Variants in DLG2 observed in about 807,000 individuals in gnomAD.
The protein encoded by DLG2 is disks large homolog 2.
Under a neutral mutation model 132.5 loss-of-function variants are expected in DLG2, and 45 were observed. That is an observed-to-expected ratio of 0.34 (90% CI 0.27 to 0.44). DLG2 has a LOEUF of 0.44. Ranked by LOEUF, DLG2 falls within the 20% of genes least tolerant of loss-of-function variation. The pLI is 1.00. For missense variants in DLG2, 1,045 were observed against 1,196.9 expected, an observed-to-expected ratio of 0.87 and a Z score of 1.87; for synonymous variants, 424 against 419.6, an observed-to-expected ratio of 1.01 and a Z score of -0.13.
intron 7 of DLG2, among the ~76,000 whole-genome samples, chr11:84,329,060 C>A (rs1300149044): frequency 6.6e-6 from 1 of 152,092 alleles, no homozygotes; most frequent in African/African-American, 2.4e-5. Flanking sequence ...TGTACAGAAA[C>A]AACATGCAGG....
At position 84,975,503 on chromosome 11, in the gene DLG2, A is replaced by G. The variant is rs532442783; in HGVS notation, c.357+136158T>C. On this transcript the variant is annotated intron_variant, in intron 6 of 27. Transcript: ENST00000376104. Reference sequence around the variant, plus strand: ...ACATTTTGTGATCATGAGAAATACAACAAAGTGATAAGCTTAGCAGAATTA... The same window carrying G: ...ACATTTTGTGATCATGAGAAATACAGCAAAGTGATAAGCTTAGCAGAATTA... Among the ~76,000 whole-genome samples the G allele has an allele frequency of 2.6e-5, 4 of 152,360 alleles. 1 individual carries two copies. The South Asian group carries it at 8.3e-4, about 32-fold the overall frequency.
intron 3 of DLG2, among the ~76,000 whole-genome samples, chr11:85,324,654 C>A (rs1040173153): frequency 6.6e-6 from 1 of 152,140 alleles, no homozygotes; most frequent in Non-Finnish European, 1.5e-5. Flanking sequence ...AAAAGCTACA[C>A]AAGAGGTTTT....
intron 21 of DLG2, among the ~76,000 whole-genome samples, chr11:83,488,754 C>G (rs1235703910): frequency 1.3e-5 from 2 of 151,968 alleles, no homozygotes; most frequent in Non-Finnish European, 2.9e-5. Flanking sequence ...TTTATACATG[C>G]TATTTTCCTC....
At chr11:84,977,873 T>C (rs1238484302) in intron 6 of DLG2, among the ~76,000 whole-genome samples, 1 of 152,194 alleles carries the variant, frequency 6.6e-6, no homozygotes, top group Non-Finnish European at 1.5e-5. Flanking sequence ...AAGAGTTTAA[T>C]CTCATCTTAA....
chr11:83,608,776 C>G (rs1375759065), intron 19 of DLG2, among the ~76,000 whole-genome samples: 1 of 151,732 alleles, frequency 6.6e-6, no homozygotes, highest in Non-Finnish European at 1.5e-5. Flanking sequence ...CCTTCAGATA[C>G]TACAGCTGGT....
At chr11:85,191,899 C>T (rs1294983127) in intron 4 of DLG2, among the ~76,000 whole-genome samples, 4 of 152,072 alleles carry the variant, frequency 2.6e-5, no homozygotes, top group Non-Finnish European at 5.9e-5. Flanking sequence ...TTCATATTAT[C>T]CTGGGCTTTT....
At chr11:83,842,908 G>C (rs975177096) in intron 16 of DLG2, among the ~76,000 whole-genome samples, 4 of 152,036 alleles carry the variant, frequency 2.6e-5, no homozygotes, top group Non-Finnish European at 5.9e-5. Flanking sequence ...CTGAGCGTCT[G>C]GGGGCTTGGG....
chr11:83,662,453 T>C, intron 18 of DLG2, among the ~76,000 whole-genome samples: 1 of 152,190 alleles, frequency 6.6e-6, no homozygotes, highest in Non-Finnish European at 1.5e-5. Flanking sequence ...AGGCGGAGTG[T>C]TATATTCTCT....
At chr11:84,682,176 A>G (rs1343813214) in intron 6 of DLG2, among the ~76,000 whole-genome samples, 2 of 152,186 alleles carry the variant, frequency 1.3e-5, no homozygotes, top group African/African-American at 4.8e-5. Context: ...CCCACCTCCA[A>G]CACTGGTAAT....
At chr11:84,068,035 A>T (rs1226490498) in intron 10 of DLG2, among the ~76,000 whole-genome samples, 1 of 152,184 alleles carries the variant, frequency 6.6e-6, no homozygotes, top group Non-Finnish European at 1.5e-5. Flanking sequence ...AATTGAAACC[A>T]TGAGACTCAG....
At chr11:83,848,854 C>A (rs1162286208) in intron 16 of DLG2, among the ~76,000 whole-genome samples, 1 of 152,168 alleles carries the variant, frequency 6.6e-6, no homozygotes, top group African/African-American at 2.4e-5. Context: ...GTTTGGAATG[C>A]CCATCTCCAG....
intron 4 of DLG2, among the ~76,000 whole-genome samples, chr11:85,226,193 T>A (rs1365651895): frequency 6.6e-6 from 1 of 151,030 alleles, no homozygotes; most frequent in African/African-American, 2.4e-5. Context: ...TCTAATATAA[T>A]AATATAATTG....
chr11:84,861,778 C>T (rs940028593), intron 6 of DLG2, among the ~76,000 whole-genome samples: 4 of 151,676 alleles, frequency 2.6e-5, no homozygotes, highest in Non-Finnish European at 4.4e-5. Context: ...TAAACAACTC[C>T]ATCAAAAAGT....
intron 7 of DLG2, among the ~76,000 whole-genome samples, chr11:84,491,486 G>A (rs1189368111): frequency 6.6e-6 from 1 of 152,072 alleles, no homozygotes; most frequent in Non-Finnish European, 1.5e-5. Context: ...GTCTTTATCA[G>A]CAACGTGCAA....
intron 8 of DLG2, among the ~76,000 whole-genome samples, chr11:84,247,338 A>G (rs1045379976): frequency 3.9e-5 from 6 of 152,230 alleles, no homozygotes; most frequent in South Asian, 2.1e-4. Context: ...TGGATTCACA[A>G]GCAGGCTCTA....
intron 3 of DLG2, among the ~76,000 whole-genome samples, chr11:85,505,440 A>G (rs2093907688): frequency 6.6e-6 from 1 of 152,136 alleles, no homozygotes; most frequent in Non-Finnish European, 1.5e-5. Context: ...AGGGCTGTTG[A>G]ATTTTGTCAA....
intron 18 of DLG2, among the ~76,000 whole-genome samples, chr11:83,715,031 C>G (rs1156402613): frequency 6.6e-6 from 1 of 152,118 alleles, no homozygotes; most frequent in Non-Finnish European, 1.5e-5. Flanking sequence ...CAATGATAGA[C>G]TGGATAAAGA....
At chr11:84,974,994 G>A (rs373508284) in intron 6 of DLG2, among the ~76,000 whole-genome samples, 2 of 152,116 alleles carry the variant, frequency 1.3e-5, no homozygotes, top group East Asian at 1.9e-4. Context: ...TTTATACAAG[G>A]ACATTGTAAC....
At chr11:85,163,745 A>T (rs1389600) in intron 4 of DLG2, among the ~76,000 whole-genome samples, 11 of 152,138 alleles carry the variant, frequency 7.2e-5, no homozygotes, top group African/African-American at 2.7e-4. Flanking sequence ...CCACCCATTG[A>T]ATAGGGTCTT....
Sources: gnomAD v4.1 joint callset for allele counts (sites outside exome capture counted in the v4.1 genomes callset) on GRCh38, gnomAD v4.1.1 for gene constraint, MANE v1.5 for transcripts, NCBI Gene and HGNC (gene_info 2026-07-23, HGNC 2026-07-21) for gene names.